The following RECK variants were observed in gnomAD, a reference collection of about 807,000 sequenced individuals.
The protein encoded by RECK is reversion inducing cysteine rich protein with kazal motifs, also known as reversion-inducing cysteine-rich protein with Kazal motifs.
Under a neutral mutation model 115.1 loss-of-function variants are expected in RECK, and 69 were observed. That is an observed-to-expected ratio of 0.60 (90% CI 0.49 to 0.73). The LOEUF (loss-of-function observed/expected upper bound fraction) is 0.73, where lower values mean the gene tolerates loss of function less well. RECK is among the 30% of genes least tolerant of loss of function. The pLI, the probability that RECK is intolerant of heterozygous loss-of-function variation, is 0.00. For synonymous variants in RECK, 414 were observed against 419.7 expected (o/e 0.99, Z 0.17); for missense variants, 1,047 against 1,203.7 (o/e 0.87, Z 1.93).
rs1823754289 is a variant in RECK at position 36,105,272 on chromosome 9, T to C, written c.1565T>C (p.Phe522Ser). The C allele has an allele frequency of 1.9e-6, 3 of 1,614,040 alleles. No individual in the cohort carries two copies. Among genetic ancestry groups the C allele is most frequent in the Non-Finnish European group, 2.5e-6 (3 of 1,179,942 alleles). ...CPSGDPCLPY[F>S]CVQGCKLGEA... is the part of the protein sequence containing the mutation. ...TCTGGAGATCCCTGTCTTCCATACT[T>C]TTGTGTTCAAGGTAAGAGGTAGGTG... Residue 522 changes from phenylalanine to serine, a missense_variant, in exon 13 of 21, where the codon TTT becomes TCT. Phe to Ser is a radical substitution (Grantham distance 155, BLOSUM62 -2). Coordinates refer to ENST00000377966, the MANE Select transcript of RECK (RefSeq NM_021111.3).
chr9:36,079,126 C>T (rs2132617842), intron 6 of RECK, among the ~76,000 whole-genome samples: 1 of 152,282 alleles, frequency 6.6e-6, no homozygotes, highest in Admixed American at 6.5e-5. Flanking sequence ...AACTCCCGAC[C>T]TCAGGTGATC....
intron 3 of RECK, 100 bp from the exon 4 acceptor site, chr9:36,060,019 G>T: frequency 9.5e-7 from 1 of 1,055,620 alleles, no homozygotes; most frequent in South Asian, 1.3e-5. Flanking sequence ...TGTAGACATA[G>T]CCATAATCAA....
At chr9:36,106,486 C>T (rs138979403) in intron 13 of RECK, among the ~76,000 whole-genome samples, 3,902 of 151,792 alleles carry the variant, frequency 0.026, 177 homozygotes, top group African/African-American at 0.088. Flanking sequence ...GATCTACCTA[C>T]CTCAGCCTCT....
Position 36,037,087 on chromosome 9 carries a change from C to T in RECK, c.89C>T (p.Pro30Leu), listed in dbSNP as rs373799395. 9.6e-6 allele frequency: 13 copies of T among 1,353,486 alleles called. No homozygotes were observed. In the African/African-American group the frequency reaches 1.7e-4, roughly 18 times the overall value. The allele number at this position is 1,353,486 out of a possible 1,614,324, so 83.8% of individuals were successfully genotyped here. ...GVAEVAGGLA[P>L]GSAGALCCNH... is the part of the protein sequence containing the mutation. ...GCGGAGGTGGCAGGGGGCCTGGCTC[C>T]GGGCAGTGCGGGTGAGTAACCTCCA... The change falls in exon 1 of 21, where the codon CCG (proline) becomes CTG (leucine). Residue 30 changes from proline to leucine, a missense_variant. By Grantham distance (98) the Pro-to-Leu change is moderately conservative. Coordinates refer to ENST00000377966, the MANE Select transcript of RECK (RefSeq NM_021111.3).
At chr9:36,111,310 C>T (rs769434763) in intron 15 of RECK, among the ~76,000 whole-genome samples, 1 of 152,182 alleles carries the variant, frequency 6.6e-6, no homozygotes, top group Non-Finnish European at 1.5e-5. Flanking sequence ...AAGTTCATAA[C>T]AATTTGTAAG....
chr9:36,037,334 G>T (rs1356535039), intron 1 of RECK, among the ~76,000 whole-genome samples: 1 of 151,788 alleles, frequency 6.6e-6, no homozygotes, highest in Non-Finnish European at 1.5e-5. Flanking sequence ...GCCTTGGTCT[G>T]TCACCCACCG....
At chr9:36,120,167 G>A (rs1239206182) in intron 18 of RECK, among the ~76,000 whole-genome samples, 8 of 151,976 alleles carry the variant, frequency 5.3e-5, no homozygotes, top group African/African-American at 1.5e-4. Flanking sequence ...CCCGGGAGGC[G>A]GAGCTTGCAG....
At chr9:36,051,693 T>G (rs1023102822) in intron 1 of RECK, among the ~76,000 whole-genome samples, 15 of 152,184 alleles carry the variant, frequency 9.9e-5, no homozygotes, top group African/African-American at 3.6e-4. Flanking sequence ...CTATGTTCTC[T>G]TCTCACTAGA....
chr9:36,094,053 AC>A lies in RECK; in HGVS notation c.1085+2711del, dbSNP rs1002907051. On this transcript the variant is annotated intron_variant, in intron 10 of 20. Transcript: ENST00000377966. The surrounding 1 kb of genome is among the most constrained non-coding windows in gnomAD (Gnocchi z 4.1). ...GTATTTCTAGATATTACAAAAAAAAACAACCTCAGAATTTTCTGCCAGCAAT... is the reference window on the plus strand; with the variant it reads ...GTATTTCTAGATATTACAAAAAAAAAAACCTCAGAATTTTCTGCCAGCAAT... 8.5e-5 allele frequency among the ~76,000 whole-genome samples: 13 copies of A among 152,116 alleles called. No individual in the cohort carries two copies. Among genetic ancestry groups the A allele is most frequent in the African/African-American group, 2.7e-4 (11 of 41,452 alleles).
At chr9:36,044,791 A>T (rs772723217) in intron 1 of RECK, among the ~76,000 whole-genome samples, 4 of 152,228 alleles carry the variant, frequency 2.6e-5, no homozygotes, top group African/African-American at 4.8e-5. Context: ...CAAGCATTTC[A>T]GGCAGAGGAC....
chr9:36,115,518 A>G (rs1468516860), intron 16 of RECK, among the ~76,000 whole-genome samples: 1 of 151,898 alleles, frequency 6.6e-6, no homozygotes, highest in East Asian at 1.9e-4. Context: ...ATATACTCAA[A>G]TTGATCAAGC....
intron 14 of RECK, among the ~76,000 whole-genome samples, 155 bp downstream of exon 14, chr9:36,108,319 AAGG>A: frequency 2.6e-5 from 4 of 152,310 alleles, no homozygotes; most frequent in Admixed American, 2.6e-4. Context: ...TAGGACTTCT[AAGG>A]AAGTCTTTAG....
At chr9:36,104,050 T>C (rs1248479859) in intron 12 of RECK, among the ~76,000 whole-genome samples, 2 of 152,018 alleles carry the variant, frequency 1.3e-5, no homozygotes, top group East Asian at 3.9e-4. Flanking sequence ...AGACTCTTCC[T>C]TGGCCATGAT....
chr9:36,098,498 G>C (rs1394611085), intron 10 of RECK, among the ~76,000 whole-genome samples: 1 of 152,172 alleles, frequency 6.6e-6, no homozygotes, highest in East Asian at 1.9e-4. Flanking sequence ...GAAGCAAGTG[G>C]AATTCTTGTA....
chr9:36,047,585 ACAGCGCAAGACTCTC>A (rs1821112934), intron 1 of RECK, among the ~76,000 whole-genome samples: 1 of 152,126 alleles, frequency 6.6e-6, no homozygotes, highest in South Asian at 2.1e-4. Flanking sequence ...AGCCTGGGTG[ACAGCGCAAGACTCTC>A]AAAAAAAACA....
rs954205821 is a variant in RECK at position 36,104,635 on chromosome 9, G to A, written c.1436-508G>A. On this transcript the variant is annotated intron_variant, in intron 12 of 20. Transcript: ENST00000377966. ...AGCAATTCTCCTGCCTCAGCCTCCT[G>A]AGTAGCTAGGATTACAGGCACCTGC... 5.9e-5 allele frequency among the ~76,000 whole-genome samples: 9 copies of A among 151,550 alleles called. No individual in the cohort carries two copies. The South Asian group carries it at 1.9e-3, about 31-fold the overall frequency.
intron 1 of RECK, among the ~76,000 whole-genome samples, chr9:36,051,491 A>G (rs1821300384): frequency 6.6e-6 from 1 of 152,200 alleles, no homozygotes; most frequent in Admixed American, 6.5e-5. Flanking sequence ...GAACCTGTGA[A>G]GCTCACCAAG....
At chr9:36,042,693 A>G (rs1453038550) in intron 1 of RECK, among the ~76,000 whole-genome samples, 3 of 152,164 alleles carry the variant, frequency 2.0e-5, no homozygotes, top group Non-Finnish European at 4.4e-5. Context: ...ATAAATATCT[A>G]GTAGTGGGAT....
intron 6 of RECK, among the ~76,000 whole-genome samples, chr9:36,071,541 C>T (rs1444464855): frequency 6.6e-6 from 1 of 152,078 alleles, no homozygotes; most frequent in African/African-American, 2.4e-5. Context: ...TATTTTTTTA[C>T]TTGTTTCTTC....
Sources: gnomAD v4.1 joint callset for allele counts (sites outside exome capture counted in the v4.1 genomes callset) on GRCh38, gnomAD v4.1.1 for gene constraint, Gnocchi (gnomAD v3.1) non-coding constraint, MANE v1.5 for transcripts, NCBI Gene and HGNC (gene_info 2026-07-23, HGNC 2026-07-21) for gene names.